The following SLC11A2 variants were observed in gnomAD, a reference collection of about 807,000 sequenced individuals.
SLC11A2 encodes the protein solute carrier family 11 member 2.
Under a neutral mutation model 68.0 loss-of-function variants are expected in SLC11A2, and 38 were observed. The ratio of observed to expected loss-of-function variants is 0.56; its 90% CI spans 0.43 to 0.73. SLC11A2 has a LOEUF of 0.73. Ranked by LOEUF, SLC11A2 falls within the 30% of genes least tolerant of loss-of-function variation. SLC11A2 has a pLI of 0.00. For missense variants in SLC11A2, 517 were observed against 690.5 expected (o/e 0.75, Z 2.82); for synonymous variants, 242 against 250.6 (o/e 0.97, Z 0.32).
At chr12:50,972,830 C>T in the SLC11A2 span, among the ~76,000 whole-genome samples, 1 of 152,244 alleles carries the variant, frequency 6.6e-6, no homozygotes, top group Admixed American at 6.5e-5. Flanking sequence ...GCAAACAGCA[C>T]ACCAGGAGAT....
upstream of SLC11A2, chr12:51,028,224 A>G (rs1333848071): frequency 2.6e-6 from 4 of 1,535,086 alleles, no homozygotes; most frequent in Non-Finnish European, 2.6e-6. Flanking sequence ...CTTCTTCCTC[A>G]TGGTGCAGAA....
At chr12:51,014,761 G>A (rs1405006260) in intron 1 of SLC11A2, among the ~76,000 whole-genome samples, 1 of 152,130 alleles carries the variant, frequency 6.6e-6, no homozygotes, top group Non-Finnish European at 1.5e-5. Context: ...GCAGAAGCAG[G>A]AGAATCGTTT....
Position 50,988,156 on chromosome 12 carries a change from A to T in SLC11A2, c.*169T>A. ...GTTCTAAGGTTAGGTCAGGAAGGAA[A>T]AAATAATTCCATCTTTCAAATACAC... is the stretch of plus-strand genomic sequence containing the variant. On this transcript the variant is annotated 3_prime_UTR_variant, in exon 16 of 16. Transcript: ENST00000262052. The T allele has an allele frequency of 6.6e-7, 1 of 1,523,142 alleles. No homozygotes were observed. The highest frequency in any genetic ancestry group is 2.5e-5 in the East Asian group (1 of 39,866). 94.4% of individuals were successfully genotyped at this position (1,523,142 alleles called of 1,614,324 possible). A position where few individuals can be genotyped will look rare whatever the true frequency, so the allele number is the denominator to read the frequency against.
At chr12:50,962,872 A>C in the SLC11A2 span, among the ~76,000 whole-genome samples, 1 of 152,174 alleles carries the variant, frequency 6.6e-6, no homozygotes, top group Non-Finnish European at 1.5e-5. Context: ...CAGAGGAAAA[A>C]ACAAAGGCAC....
the SLC11A2 span, among the ~76,000 whole-genome samples, chr12:50,954,690 C>T: frequency 1.3e-5 from 2 of 151,970 alleles, no homozygotes; most frequent in Non-Finnish European, 2.9e-5. Flanking sequence ...CACACCACTG[C>T]ACTTCAGCCT....
the SLC11A2 span, among the ~76,000 whole-genome samples, chr12:50,954,748 AAAAAACC>A: frequency 6.6e-6 from 1 of 152,178 alleles, no homozygotes; most frequent in Admixed American, 6.5e-5. Context: ...ACAAATAAAC[AAAAAACC>A]AAAAACTTCT....
chr12:50,994,571 CGAGTT>C lies in SLC11A2; in HGVS notation c.1045_1049del (p.Asn349AspfsTer90). ...CTTTGTAGATGTCCACAGCCAGTGT[CGAGTT>C]ATCTTTAGGAAAGAGGCCAGCATGA... On this transcript the variant is annotated frameshift_variant, in exon 11 of 16. Coordinates refer to ENST00000262052, the MANE Select transcript of SLC11A2 (RefSeq NM_000617.3). LOFTEE classifies it high-confidence loss of function. The C allele has an allele frequency of 6.2e-7, 1 of 1,611,376 alleles. No homozygotes were observed. The highest frequency in any genetic ancestry group is 8.5e-7 in the Non-Finnish European group (1 of 1,177,532).
Position 50,991,840 on chromosome 12 carries a change from T to G in SLC11A2, c.1348-168A>C, listed in dbSNP as rs141326927. Among the ~76,000 whole-genome samples, 18 of 152,366 alleles carry G rather than the reference T, an allele frequency of 1.2e-4. No individual in the cohort carries two copies. In the East Asian group the frequency reaches 2.5e-3, roughly 21 times the overall value. On this transcript the variant is annotated intron_variant, in intron 13 of 15. Coordinates refer to ENST00000262052, the MANE Select transcript of SLC11A2 (RefSeq NM_000617.3). Reference sequence around the variant, plus strand: ...GGCATTATGCTGAATTCTGCAGAGCTGTCATTAACCTAGCATACAAACCTT... The same window carrying G: ...GGCATTATGCTGAATTCTGCAGAGCGGTCATTAACCTAGCATACAAACCTT...
chr12:50,987,869 G>A lies in SLC11A2; in HGVS notation c.*456C>T. 7 of 1,264,072 alleles carry A rather than the reference G, an allele frequency of 5.5e-6. No individual in the cohort carries two copies. The highest frequency in any genetic ancestry group is 2.5e-5 in the Admixed American group (1 of 39,398). The allele number at this position is 1,264,072 out of a possible 1,614,324, so 78.3% of individuals were successfully genotyped here. A position where few individuals can be genotyped will look rare whatever the true frequency, so the allele number is the denominator to read the frequency against. On this transcript the variant is annotated 3_prime_UTR_variant, in exon 16 of 16. Transcript: ENST00000262052. ...TGGTATAATTAAAATAACTGAAAAG[G>A]TAGGTATAAGGAAAATTTCTCAGCC...
intron 1 of SLC11A2, 94 bp from the exon 2 acceptor site, chr12:51,010,860 C>T: frequency 1.9e-6 from 1 of 514,762 alleles, no homozygotes; most frequent in Non-Finnish European, 3.5e-6. Flanking sequence ...TGAATCCTTA[C>T]TATGAAAAGA....
chr12:50,992,287 G>C lies in SLC11A2; in HGVS notation c.1250C>G (p.Ser417Cys). ...SRFARVVLTRSIAIIPTLLVA... is the reference protein window; with the variant it reads ...SRFARVVLTRCIAIIPTLLVA... Reference sequence around the variant, plus strand: ...AAGCAGAGTGGGGATGATGGCAATAGAGCGAGTCAGAACCACTCGGGCAAA... The same window carrying C: ...AAGCAGAGTGGGGATGATGGCAATACAGCGAGTCAGAACCACTCGGGCAAA... The change falls in exon 13 of 16, where the codon TCT becomes TGT. Residue 417 changes from serine to cysteine, a missense_variant. Ser to Cys is a moderately radical substitution (Grantham distance 112, BLOSUM62 -1). Transcript: ENST00000262052. 6.2e-7 allele frequency: 1 copy of C among 1,614,026 alleles called. No individual in the cohort carries two copies. Among genetic ancestry groups the C allele is most frequent in the Non-Finnish European group, 8.5e-7 (1 of 1,179,898 alleles).
At chr12:51,018,637 T>A (rs1245518533) in intron 1 of SLC11A2, among the ~76,000 whole-genome samples, 2 of 151,676 alleles carry the variant, frequency 1.3e-5, no homozygotes, top group Admixed American at 6.6e-5. Context: ...AAAAATTAGC[T>A]GGGTGTGGTA....
At chr12:51,014,014 G>T (rs1943437173) in intron 1 of SLC11A2, 1 of 152,084 alleles carries the variant, frequency 6.6e-6, no homozygotes, top group African/African-American at 2.4e-5. Flanking sequence ...TAGAGATGGG[G>T]TTTTGCCATG....
Position 50,986,375 on chromosome 12 carries a change from CTG to C in SLC11A2, c.*1948_*1949del, listed in dbSNP as rs1438421757. ...ATAACGTATGAGGGTATTTTTAACA[CTG>C]TGAAGTACACACATAATATTATAAA... is the stretch of plus-strand genomic sequence containing the variant. On this transcript the variant is annotated 3_prime_UTR_variant, in exon 16 of 16. Transcript: ENST00000262052. The C allele has an allele frequency of 7.8e-7, 1 of 1,280,098 alleles. No individual in the cohort carries two copies. Among genetic ancestry groups the C allele is most frequent in the Non-Finnish European group, 1.0e-6 (1 of 982,258 alleles). The allele number at this position is 1,280,098 out of a possible 1,614,324, so 79.3% of individuals were successfully genotyped here.
intron 1 of SLC11A2, among the ~76,000 whole-genome samples, chr12:51,012,351 A>AG (rs1337498822): frequency 6.9e-6 from 1 of 145,286 alleles, no homozygotes; most frequent in East Asian, 2.7e-4. Flanking sequence ...AAGGCTATTA[A>AG]AAAAAAAATG....
intron 1 of SLC11A2, among the ~76,000 whole-genome samples, chr12:51,017,412 A>G (rs917655040): frequency 6.6e-6 from 1 of 152,182 alleles, no homozygotes; most frequent in Non-Finnish European, 1.5e-5. Flanking sequence ...TGTAGCAAAA[A>G]GAAAAAAGAG....
chr12:51,012,893 A>C lies in SLC11A2; in HGVS notation c.-38-2127T>G, dbSNP rs536105859. ...CCCTCTTTCAGTCAATGACAATAGC[A>C]CCTCACCTAAATGGGATTTAAATAT... On this transcript the variant is annotated intron_variant, in intron 1 of 15. Coordinates refer to ENST00000262052, the MANE Select transcript of SLC11A2 (RefSeq NM_000617.3). 1.8e-4 allele frequency among the ~76,000 whole-genome samples: 27 copies of C among 152,266 alleles called. No homozygotes were observed. The South Asian group carries it at 4.1e-3, about 23-fold the overall frequency.
At chr12:50,967,392 T>C in the SLC11A2 span, among the ~76,000 whole-genome samples, 1 of 152,102 alleles carries the variant, frequency 6.6e-6, no homozygotes, top group Non-Finnish European at 1.5e-5. Flanking sequence ...AATGGTCCAC[T>C]TGCCTCAGCC....
At chr12:50,968,192 G>C in the SLC11A2 span, among the ~76,000 whole-genome samples, 86 of 152,234 alleles carry the variant, frequency 5.6e-4, no homozygotes, top group African/African-American at 1.9e-3. Flanking sequence ...TTTTGGAGTT[G>C]GCTAAACAGT....
Sources: allele counts gnomAD v4.1 joint callset (sites outside exome capture counted in the v4.1 genomes callset), GRCh38; gene constraint gnomAD v4.1.1; transcripts MANE v1.5; gene names NCBI Gene and HGNC (gene_info 2026-07-23, HGNC 2026-07-21).